The following RGS13 variants were observed in gnomAD, a reference collection of about 807,000 sequenced individuals.
RGS13 encodes regulator of G-protein signalling 13.
In RGS13, 14 loss-of-function variants were observed where a neutral mutation model predicts 19.9. That is an observed-to-expected ratio of 0.70 (90% CI 0.46 to 1.10). The LOEUF (loss-of-function observed/expected upper bound fraction) is 1.10, where lower values mean the gene tolerates loss of function less well. RGS13 is among the 50% of genes least tolerant of loss of function. The pLI is 0.00. For synonymous variants in RGS13, 60 were observed against 56.8 expected, an observed-to-expected ratio of 1.06 and a Z score of -0.25; for missense variants, 205 against 187.1, an observed-to-expected ratio of 1.10 and a Z score of -0.56.
chr1:192,654,480 C>T (rs1385511789), intron 5 of RGS13, among the ~76,000 whole-genome samples: 1 of 151,690 alleles, frequency 6.6e-6, no homozygotes, highest in Admixed American at 6.6e-5. Flanking sequence ...GCATAGAAGC[C>T]ACAACAGAGA....
chr1:192,658,096 A>G, intron 5 of RGS13, 105 bp from the exon 6 acceptor site: 1 of 721,290 alleles, frequency 1.4e-6, no homozygotes, highest in Admixed American at 2.8e-5. Context: ...TTTACTTGTT[A>G]AATAATTTGT....
chr1:192,658,621 A>T (rs1368403440), intron 6 of RGS13: 4 of 344,258 alleles, frequency 1.2e-5, no homozygotes, highest in Non-Finnish European at 2.1e-5. Context: ...CTCCCCATTA[A>T]ATTATCTTGA....
intron 5 of RGS13, among the ~76,000 whole-genome samples, chr1:192,649,373 T>C (rs989150001): frequency 3.9e-5 from 6 of 152,144 alleles, no homozygotes; most frequent in Non-Finnish European, 5.9e-5. Flanking sequence ...CCTTGCTAGA[T>C]TGATCTCTTT....
Position 192,637,629 on chromosome 1 carries a change from G to GA in RGS13, c.-69dup, listed in dbSNP as rs577605017. ...TCCACATATTATACCACCAACATGA[G>GA]AAAAAAATGATCATTGTTTATTTGA... On this transcript the variant is annotated 5_prime_UTR_variant, in exon 2 of 7. In the 5' UTR this introduces an upstream ATG that the reference lacks. Transcript: ENST00000391995. The GA allele has an allele frequency of 1.3e-5, 2 of 151,714 alleles. No homozygotes were observed. Among genetic ancestry groups the GA allele is most frequent in the Non-Finnish European group, 2.9e-5 (2 of 67,840 alleles). The allele number at this position is 151,714 out of a possible 1,614,324, so 9.4% of individuals were successfully genotyped here. A position where few individuals can be genotyped will look rare whatever the true frequency, so the allele number is the denominator to read the frequency against.
At chr1:192,648,839 G>C (rs924852766) in intron 5 of RGS13, among the ~76,000 whole-genome samples, 1 of 152,048 alleles carries the variant, frequency 6.6e-6, no homozygotes, top group African/African-American at 2.4e-5. Flanking sequence ...TTAACTAGTG[G>C]GGTGTACCAG....
chr1:192,656,676 T>C (rs1324668194), intron 5 of RGS13, among the ~76,000 whole-genome samples: 2 of 152,134 alleles, frequency 1.3e-5, no homozygotes, highest in Non-Finnish European at 2.9e-5. Context: ...TCCCATGCAG[T>C]GTCCTGAAGG....
At chr1:192,651,581 G>T (rs564012482) in intron 5 of RGS13, among the ~76,000 whole-genome samples, 1 of 152,046 alleles carries the variant, frequency 6.6e-6, no homozygotes, top group South Asian at 2.1e-4. Flanking sequence ...AAAAATAGAG[G>T]AATGCAAAGT....
chr1:192,651,384 T>G (rs1021893521), intron 5 of RGS13, among the ~76,000 whole-genome samples: 4 of 152,018 alleles, frequency 2.6e-5, no homozygotes, highest in African/African-American at 9.7e-5. Context: ...CTGACATAAG[T>G]TTTGCTGTGG....
intron 4 of RGS13, chr1:192,646,594 C>T (rs1663224230): frequency 6.6e-6 from 1 of 152,120 alleles, no homozygotes; most frequent in South Asian, 2.1e-4. Context: ...CATCCTATCA[C>T]CTAGGTAGTA....
intron 5 of RGS13, among the ~76,000 whole-genome samples, chr1:192,653,926 G>T (rs1373194679): frequency 6.6e-6 from 1 of 151,814 alleles, no homozygotes; most frequent in African/African-American, 2.4e-5. Flanking sequence ...CACAGGAAGG[G>T]GAACATCACA....
chr1:192,655,359 G>C (rs561340194), intron 5 of RGS13, among the ~76,000 whole-genome samples: 2 of 152,198 alleles, frequency 1.3e-5, no homozygotes, highest in Admixed American at 6.5e-5. Flanking sequence ...AAATCCTAGT[G>C]ATTTACATTA....
At chr1:192,659,174 A>G (rs745352423) in intron 6 of RGS13, 164 bp from the exon 7 acceptor site, 2 of 474,364 alleles carry the variant, frequency 4.2e-6, no homozygotes, top group Non-Finnish European at 3.7e-6. Context: ...AAAAGAGCAA[A>G]ATGTTTATTT....
chr1:192,659,805 T>C lies in RGS13; in HGVS notation c.*282T>C, dbSNP rs1663577893. ...TACAAGCATTATAAAGTTTTTACTG[T>C]AGTAGTCAATTAATGGATATTTCCT... On this transcript the variant is annotated 3_prime_UTR_variant, in exon 7 of 7. Transcript: ENST00000391995. The C allele has an allele frequency of 4.1e-6, 1 of 246,692 alleles. No individual in the cohort carries two copies. Among genetic ancestry groups the C allele is most frequent in the African/African-American group, 2.3e-5 (1 of 44,314 alleles). 15.3% of individuals were successfully genotyped at this position (246,692 alleles called of 1,614,324 possible). A position where few individuals can be genotyped will look rare whatever the true frequency, so the allele number is the denominator to read the frequency against.
intron 5 of RGS13, among the ~76,000 whole-genome samples, chr1:192,649,244 C>A (rs1012586516): frequency 2.6e-5 from 4 of 152,058 alleles, no homozygotes; most frequent in Non-Finnish European, 5.9e-5. Flanking sequence ...GAATTTTAAA[C>A]AAATATATCT....
intron 5 of RGS13, 149 bp downstream of exon 5, chr1:192,648,136 T>C (rs1176700796): frequency 8.6e-6 from 4 of 465,642 alleles, no homozygotes; most frequent in Non-Finnish European, 1.5e-5. Context: ...AACCTGAAAA[T>C]AGTTTGTTAT....
chr1:192,657,340 G>C (rs1398593184), intron 5 of RGS13, among the ~76,000 whole-genome samples: 1 of 151,968 alleles, frequency 6.6e-6, no homozygotes, highest in Non-Finnish European at 1.5e-5. Context: ...AGAATACTTG[G>C]TCCTCCCAAA....
intron 5 of RGS13, among the ~76,000 whole-genome samples, chr1:192,656,000 G>A (rs1020107007): frequency 3.3e-5 from 5 of 151,924 alleles, no homozygotes; most frequent in African/African-American, 1.2e-4. Context: ...AAAGAAACAG[G>A]GATACTTCTT....
intron 5 of RGS13, among the ~76,000 whole-genome samples, chr1:192,655,701 T>C (rs944532830): frequency 1.3e-5 from 2 of 152,088 alleles, no homozygotes; most frequent in African/African-American, 4.8e-5. Flanking sequence ...ATCAAGTATC[T>C]GAAATATACC....
At chr1:192,637,404 A>G (rs932407872) in intron 1 of RGS13, among the ~76,000 whole-genome samples, 186 bp from the exon 2 acceptor site, 5 of 151,980 alleles carry the variant, frequency 3.3e-5, no homozygotes, top group Non-Finnish European at 7.4e-5. Context: ...TGATATTAAC[A>G]CAATTTTAGA....
Sources: gnomAD v4.1 joint callset for allele counts (sites outside exome capture counted in the v4.1 genomes callset) on GRCh38, gnomAD v4.1.1 for gene constraint, MANE v1.5 for transcripts, NCBI Gene and HGNC (gene_info 2026-07-23, HGNC 2026-07-21) for gene names.